CACNA1I: variants seen among roughly 807,000 people sequenced by gnomAD.
CACNA1I encodes the protein voltage-dependent T-type calcium channel subunit alpha-1I.
CACNA1I carries 74 observed loss-of-function variants against 201.6 expected under a neutral mutation model. The observed-to-expected ratio is 0.37, with a 90% CI of 0.30 to 0.45. CACNA1I has a LOEUF of 0.45. Ranked by LOEUF, CACNA1I falls within the 20% of genes least tolerant of loss-of-function variation. The pLI is 1.00. For missense variants in CACNA1I, 2,346 were observed against 3,138.1 expected (o/e 0.75, Z 6.03); for synonymous variants, 1,431 against 1,345.2 (o/e 1.06, Z -1.40).
intron 4 of CACNA1I, among the ~76,000 whole-genome samples, chr22:39,634,005 C>T (rs114314410): frequency 0.029 from 4,389 of 152,248 alleles, 219 homozygotes; most frequent in African/African-American, 0.099. Flanking sequence ...TCATTGGGCA[C>T]GTACTACAAC....
At chr22:39,651,665 G>A (rs1934652357) in intron 10 of CACNA1I, among the ~76,000 whole-genome samples, 1 of 152,230 alleles carries the variant, frequency 6.6e-6, no homozygotes, top group Admixed American at 6.5e-5. Context: ...GCACAGCCCT[G>A]CTACCCTCGA....
intron 3 of CACNA1I, among the ~76,000 whole-genome samples, chr22:39,613,516 G>A (rs1439341471): frequency 2.0e-5 from 3 of 152,206 alleles, no homozygotes; most frequent in Non-Finnish European, 4.4e-5. Context: ...GTGAGGCCCT[G>A]TTCTGAGTAC....
intron 4 of CACNA1I, among the ~76,000 whole-genome samples, chr22:39,633,342 C>T (rs1390970385): frequency 6.6e-6 from 1 of 152,200 alleles, no homozygotes; most frequent in Non-Finnish European, 1.5e-5. Context: ...GACAACTATA[C>T]ATTAGGGCTA....
At chr22:39,588,014 G>A (rs1932776872) in intron 1 of CACNA1I, among the ~76,000 whole-genome samples, 1 of 152,030 alleles carries the variant, frequency 6.6e-6, no homozygotes. Context: ...GGCCTCATGT[G>A]ATCTGCCTGC....
intron 3 of CACNA1I, among the ~76,000 whole-genome samples, chr22:39,611,812 C>CA (rs1933394473): frequency 6.6e-6 from 1 of 152,174 alleles, no homozygotes; most frequent in Non-Finnish European, 1.5e-5. Flanking sequence ...CCCTGGTTCC[C>CA]ACCTGCCTGG....
At position 39,686,399 on chromosome 22, in the gene CACNA1I, G is replaced by C; in HGVS notation, c.6666G>C (p.Lys2222Asn). Residue 2222 changes from lysine (K) to asparagine (N), a missense_variant, in exon 37 of 37, where the codon AAG becomes AAC. Lys to Asn is a moderately conservative substitution (Grantham distance 94, BLOSUM62 0). Transcript: ENST00000402142. ...LEPGDAASKR[K>N]R is the part of the protein sequence containing the mutation. Reference sequence around the variant, plus strand: ...CGGGAGACGCCGCCAGCAAGAGGAAGAGATGAGGGTCGCAGGGGCCCCCGG... The same window carrying C: ...CGGGAGACGCCGCCAGCAAGAGGAACAGATGAGGGTCGCAGGGGCCCCCGG... The C allele has an allele frequency of 7.9e-7, 1 of 1,269,602 alleles. No homozygotes were observed. The highest frequency in any genetic ancestry group is 9.9e-7 in the Non-Finnish European group (1 of 1,005,380). The allele number at this position is 1,269,602 out of a possible 1,614,324, so 78.6% of individuals were successfully genotyped here. A position where few individuals can be genotyped will look rare whatever the true frequency, so the allele number is the denominator to read the frequency against.
intron 3 of CACNA1I, among the ~76,000 whole-genome samples, chr22:39,602,003 TCCTTCCTTCCTTCCCTCCTTCCTTCCTTC>T (rs1933071194): frequency 2.0e-4 from 1 of 5,066 alleles, no homozygotes; most frequent in Non-Finnish European, 4.2e-4. Context: ...CTTCCTTCCC[TCCTTCCTTCCTTCCCTCCTTCCTTCCTTC>T]TCTCTCTCTT....
chr22:39,594,662 C>T (rs1196579872), intron 1 of CACNA1I, among the ~76,000 whole-genome samples: 2 of 151,998 alleles, frequency 1.3e-5, no homozygotes, highest in Non-Finnish European at 2.9e-5. Context: ...CAGGTCACCT[C>T]TCCCACTCCT....
rs1236403585 is a variant in CACNA1I, at chr22:39,665,574, G to A, written c.3928G>A (p.Val1310Met). 3 of 1,613,878 alleles carry A rather than the reference G, an allele frequency of 1.9e-6. No individual in the cohort carries two copies. The highest frequency in any genetic ancestry group is 8.5e-7 in the Non-Finnish European group (1 of 1,179,810). ...ISSLKPIGNIVLICCAFFIIF... is the reference protein window; with the variant it reads ...ISSLKPIGNIMLICCAFFIIF... ...CTCCCTCAAGCCCATCGGCAACATCGTGCTCATCTGCTGTGCCTTCTTCAT... is the reference window on the plus strand; with the variant it reads ...CTCCCTCAAGCCCATCGGCAACATCATGCTCATCTGCTGTGCCTTCTTCAT... Residue 1310 changes from valine (V) to methionine (M), a missense_variant, in exon 22 of 37, where the codon GTG becomes ATG. Around this residue, in one of 13 missense-constraint regions of CACNA1I, gnomAD observed 14 missense variants for 53.7 expected, o/e 0.26. Transcript: ENST00000402142. The surrounding 1 kb of genome is among the most constrained non-coding windows in gnomAD (Gnocchi z 5.5).
At chr22:39,583,104 C>T (rs1347729596) in intron 1 of CACNA1I, among the ~76,000 whole-genome samples, 2 of 150,820 alleles carry the variant, frequency 1.3e-5, no homozygotes, top group Admixed American at 6.6e-5. Context: ...ATTCATCCAT[C>T]CAACTGTCCA....
intron 1 of CACNA1I, among the ~76,000 whole-genome samples, chr22:39,578,929 A>C (rs1221957643): frequency 6.6e-6 from 1 of 151,752 alleles, no homozygotes; most frequent in Non-Finnish European, 1.5e-5. Context: ...GCCCTTCCCC[A>C]TCGCCGTGGT....
intron 1 of CACNA1I, among the ~76,000 whole-genome samples, chr22:39,589,291 G>T (rs1235655181): frequency 6.6e-5 from 10 of 152,214 alleles, no homozygotes; most frequent in Admixed American, 5.2e-4. Flanking sequence ...TTTTTGTGGG[G>T]TGTGTGAGCA....
chr22:39,589,255 C>G (rs1932794983), intron 1 of CACNA1I, among the ~76,000 whole-genome samples: 1 of 152,190 alleles, frequency 6.6e-6, no homozygotes, highest in Non-Finnish European at 1.5e-5. Flanking sequence ...ACCGATAACA[C>G]AGACGTGCCT....
At position 39,686,432 on chromosome 22, in the gene CACNA1I, C is replaced by T; in HGVS notation, c.*27C>T. The T allele has an allele frequency of 8.2e-7, 1 of 1,213,728 alleles. No individual in the cohort carries two copies. Among genetic ancestry groups the T allele is most frequent in the Non-Finnish European group, 1.0e-6 (1 of 969,868 alleles). 75.2% of individuals were successfully genotyped at this position (1,213,728 alleles called of 1,614,324 possible). A position where few individuals can be genotyped will look rare whatever the true frequency, so the allele number is the denominator to read the frequency against. On this transcript the variant is annotated 3_prime_UTR_variant, in exon 37 of 37. Transcript: ENST00000402142. ...GGTCGCAGGGGCCCCCGGCCGCCCA[C>T]CGCCCGCCCCGTCTCACCTTCTTTA...
intron 3 of CACNA1I, 64 bp from the exon 4 acceptor site, chr22:39,619,245 TG>T: frequency 8.0e-7 from 1 of 1,244,790 alleles, no homozygotes; most frequent in Non-Finnish European, 1.2e-6. Context: ...GAGAATGCTG[TG>T]GCCCGGGCCC....
intron 1 of CACNA1I, among the ~76,000 whole-genome samples, chr22:39,597,326 G>C (rs1932914364): frequency 6.6e-6 from 1 of 152,194 alleles, no homozygotes; most frequent in Admixed American, 6.5e-5. Context: ...GACACTGCGG[G>C]CTGTGTTCTA....
chr22:39,674,888 G>A (rs2064014553), intron 29 of CACNA1I, among the ~76,000 whole-genome samples: 1 of 152,208 alleles, frequency 6.6e-6, no homozygotes, highest in Non-Finnish European at 1.5e-5. Flanking sequence ...CGGGGACCGG[G>A]GCTAAGGACA....
intron 7 of CACNA1I, among the ~76,000 whole-genome samples, chr22:39,644,784 C>T (rs182482477): frequency 2.6e-5 from 4 of 152,054 alleles, no homozygotes; most frequent in Admixed American, 2.0e-4. Context: ...ATCTCCTGGG[C>T]TCAAGCGATC....
Position 39,679,848 on chromosome 22 carries a change from T to G in CACNA1I, c.5521T>G (p.Cys1841Gly), listed in dbSNP as rs747837332. The stretch of plus-strand genomic sequence containing the variant: ...CTCCTCGCCTGCCGGCTGCAAGAAG[T>G]GTCACCACGACAAGCAAGAGGTAAT... ...HYSSPAGCKK[C>G]HHDKQEVQLA... Residue 1841 changes from cysteine to glycine, a missense_variant, in exon 33 of 37, where the codon TGT (cysteine) becomes GGT (glycine). Cys to Gly is a radical substitution (Grantham distance 159, BLOSUM62 -3). Transcript: ENST00000402142. 2 of 1,612,548 alleles carry G rather than the reference T, an allele frequency of 1.2e-6. No individual in the cohort carries two copies. The highest frequency in any genetic ancestry group is 1.7e-6 in the Non-Finnish European group (2 of 1,179,438).
Sources: allele counts gnomAD v4.1 joint callset (sites outside exome capture counted in the v4.1 genomes callset), GRCh38; gene constraint gnomAD v4.1.1; regional missense constraint gnomAD v4.1.1; non-coding constraint Gnocchi (gnomAD v3.1); transcripts MANE v1.5; gene names NCBI Gene and HGNC (gene_info 2026-07-23, HGNC 2026-07-21).